Variants in MLLT3 observed in about 807,000 individuals in gnomAD.
MLLT3 encodes the protein MLLT3 super elongation complex subunit.
A neutral mutation model predicts 53.2 loss-of-function variants in MLLT3; 4 were observed. That is an observed-to-expected ratio of 0.08 (90% CI 0.04 to 0.17). The LOEUF is 0.17. Among genes scored for constraint, MLLT3 ranks in the 10% least tolerant of loss-of-function variants. MLLT3 has a pLI of 1.00. For synonymous variants in MLLT3, 283 were observed against 230.6 expected (o/e 1.23, Z -2.06); for missense variants, 569 against 684.0 (o/e 0.83, Z 1.87).
At chr9:20,522,025 A>G (rs1402084692) in intron 2 of MLLT3, among the ~76,000 whole-genome samples, 6 of 150,878 alleles carry the variant, frequency 4.0e-5, no homozygotes, top group Non-Finnish European at 8.9e-5. Context: ...TTTTTTTAAC[A>G]CTCTGAAATA....
chr9:20,466,144 T>C (rs1343783505), intron 2 of MLLT3, among the ~76,000 whole-genome samples: 1 of 151,956 alleles, frequency 6.6e-6, no homozygotes, highest in Non-Finnish European at 1.5e-5. Context: ...ATGCTTGGGA[T>C]CAGAGGTTGA....
intron 2 of MLLT3, among the ~76,000 whole-genome samples, chr9:20,563,816 A>G (rs953544131): frequency 1.3e-5 from 2 of 152,196 alleles, no homozygotes; most frequent in African/African-American, 4.8e-5. Context: ...TATAATAAGA[A>G]AAAGGAAAGT....
At chr9:20,489,164 G>C (rs1043729064) in intron 2 of MLLT3, among the ~76,000 whole-genome samples, 5 of 152,198 alleles carry the variant, frequency 3.3e-5, no homozygotes, top group Non-Finnish European at 7.4e-5. Context: ...AGGGAGAGCG[G>C]GTGGAAGGGT....
intron 2 of MLLT3, among the ~76,000 whole-genome samples, chr9:20,555,852 T>C (rs1172099767): frequency 2.0e-5 from 3 of 152,244 alleles, no homozygotes; most frequent in Non-Finnish European, 2.9e-5. Context: ...GCAAGTTGGA[T>C]TGCTTCAAAC....
chr9:20,379,398 C>T (rs1285879415), intron 5 of MLLT3, among the ~76,000 whole-genome samples: 1 of 151,986 alleles, frequency 6.6e-6, no homozygotes, highest in Non-Finnish European at 1.5e-5. Context: ...CCCCCAAAAG[C>T]CCCCAAATCA....
At chr9:20,418,709 T>C (rs1318516370) in intron 4 of MLLT3, among the ~76,000 whole-genome samples, 1 of 152,164 alleles carries the variant, frequency 6.6e-6, no homozygotes, top group Non-Finnish European at 1.5e-5. Context: ...CTGGAATTCC[T>C]GGGCTCAAGT....
At chr9:20,525,316 G>C (rs1053299512) in intron 2 of MLLT3, among the ~76,000 whole-genome samples, 2 of 151,992 alleles carry the variant, frequency 1.3e-5, no homozygotes, top group African/African-American at 4.8e-5. Context: ...GGCCAACATG[G>C]TGAAATCCTG....
At chr9:20,365,784 G>T (rs769798002) in intron 5 of MLLT3, 40 bp from the exon 6 acceptor site, 1 of 1,600,036 alleles carries the variant, frequency 6.2e-7, no homozygotes, top group Non-Finnish European at 8.6e-7. Context: ...ATAAATTTAC[G>T]GGATACCACA....
At chr9:20,548,289 A>C (rs1189207869) in intron 2 of MLLT3, among the ~76,000 whole-genome samples, 2 of 152,228 alleles carry the variant, frequency 1.3e-5, no homozygotes, top group Non-Finnish European at 2.9e-5. Flanking sequence ...CTATCTCATC[A>C]GTTGGCTCTA....
chr9:20,346,625 A>G (rs778952367), intron 10 of MLLT3, 51 bp from the exon 11 acceptor site: 71 of 1,574,538 alleles, frequency 4.5e-5, no homozygotes, highest in Non-Finnish European at 5.8e-5. Flanking sequence ...AAACATCAAA[A>G]GGCAAAGAGA....
At chr9:20,385,454 T>C (rs1822010606) in intron 5 of MLLT3, among the ~76,000 whole-genome samples, 1 of 152,202 alleles carries the variant, frequency 6.6e-6, no homozygotes, top group African/African-American at 2.4e-5. Context: ...TGCTTTTTAT[T>C]TTCTTCTTTA....
chr9:20,476,876 T>C (rs144700959), intron 2 of MLLT3, among the ~76,000 whole-genome samples: 7 of 152,302 alleles, frequency 4.6e-5, no homozygotes, highest in African/African-American at 1.7e-4. Flanking sequence ...TAAATTTATA[T>C]CAATAACCAT....
chr9:20,401,997 T>C (rs775393429), intron 5 of MLLT3, among the ~76,000 whole-genome samples: 1 of 152,106 alleles, frequency 6.6e-6, no homozygotes, highest in Non-Finnish European at 1.5e-5. Flanking sequence ...GTAAAAAATA[T>C]ATTGGTAACA....
intron 2 of MLLT3, among the ~76,000 whole-genome samples, chr9:20,489,109 C>T (rs1206903105): frequency 6.6e-6 from 1 of 152,056 alleles, no homozygotes; most frequent in African/African-American, 2.4e-5. Context: ...GAACACTATT[C>T]CACAAAGTAT....
intron 2 of MLLT3, among the ~76,000 whole-genome samples, chr9:20,485,525 TATA>T (rs1824787317): frequency 6.6e-6 from 1 of 152,238 alleles, no homozygotes; most frequent in African/African-American, 2.4e-5. Context: ...ATTCATTTAC[TATA>T]ATATCACTAC....
At chr9:20,452,418 C>G (rs954609438) in intron 3 of MLLT3, among the ~76,000 whole-genome samples, 1 of 152,170 alleles carries the variant, frequency 6.6e-6, no homozygotes, top group Non-Finnish European at 1.5e-5. Context: ...GTTTGCTTCC[C>G]CTTCTGCTAT....
intron 5 of MLLT3, among the ~76,000 whole-genome samples, chr9:20,412,190 G>A (rs1260888660): frequency 6.6e-6 from 1 of 151,862 alleles, no homozygotes; most frequent in Non-Finnish European, 1.5e-5. Flanking sequence ...AGCATTTCAG[G>A]GTGATTGGAA....
intron 8 of MLLT3, among the ~76,000 whole-genome samples, chr9:20,359,175 A>AAAAAAAAC (rs1821255422): frequency 6.7e-6 from 1 of 149,422 alleles, no homozygotes; most frequent in African/African-American, 2.5e-5. Flanking sequence ...AAAAAAAAAA[A>AAAAAAAAC]TCTCACCAAG....
chr9:20,470,553 C>T (rs1411366833), intron 2 of MLLT3, among the ~76,000 whole-genome samples: 2 of 152,004 alleles, frequency 1.3e-5, no homozygotes, highest in Non-Finnish European at 2.9e-5. Context: ...TAAATACAAT[C>T]AACCAGAAAG....
Sources: allele counts gnomAD v4.1 joint callset (sites outside exome capture counted in the v4.1 genomes callset), GRCh38; gene constraint gnomAD v4.1.1; transcripts MANE v1.5; gene names NCBI Gene and HGNC (gene_info 2026-07-23, HGNC 2026-07-21).